SLC24A2: variants seen among roughly 807,000 people sequenced by gnomAD.
The protein encoded by SLC24A2 is solute carrier family 24 member 2, also known as sodium/potassium/calcium exchanger 2.
In SLC24A2, 36 loss-of-function variants were observed where a neutral mutation model predicts 62.0. That is an observed-to-expected ratio of 0.58 (90% confidence interval 0.44 to 0.77). The LOEUF (loss-of-function observed/expected upper bound fraction) is 0.77, where lower values mean the gene tolerates loss of function less well. Among genes scored for constraint, SLC24A2 ranks in the 30% least tolerant of loss-of-function variants. SLC24A2 has a pLI of 0.00. For missense variants in SLC24A2, 846 were observed against 817.9 expected (o/e 1.03, Z -0.42); for synonymous variants, 358 against 294.0 (o/e 1.22, Z -2.23).
the SLC24A2 span, among the ~76,000 whole-genome samples, chr9:20,041,890 C>G: frequency 6.6e-6 from 1 of 152,228 alleles, no homozygotes; most frequent in African/African-American, 2.4e-5. Context: ...ACTCCTAATC[C>G]CAGAAGCACT....
the SLC24A2 span, among the ~76,000 whole-genome samples, chr9:19,834,373 T>C: frequency 0.089 from 13,582 of 151,772 alleles, 692 homozygotes; most frequent in African/African-American, 0.15. Flanking sequence ...TGCAGAGAAG[T>C]CCTTAAAGGA....
chr9:19,657,702 A>T (rs1818981169), intron 2 of SLC24A2, among the ~76,000 whole-genome samples: 2 of 152,040 alleles, frequency 1.3e-5, no homozygotes, highest in African/African-American at 2.4e-5. Context: ...CAGATGTCAC[A>T]CTGCAGAACC....
At chr9:19,969,183 CCACACACACA>C in the SLC24A2 span, among the ~76,000 whole-genome samples, 3,813 of 122,250 alleles carry the variant, frequency 0.031, 67 homozygotes, top group Non-Finnish European at 0.044. Flanking sequence ...ACCTCCTTTG[CCACACACACA>C]CACACACACA....
the SLC24A2 span, among the ~76,000 whole-genome samples, chr9:20,006,747 T>G: frequency 6.6e-6 from 1 of 152,128 alleles, no homozygotes; most frequent in Non-Finnish European, 1.5e-5. Flanking sequence ...AGTCTGAAAT[T>G]TTAGGGGCAG....
chr9:19,545,653 T>A (rs1834526037), intron 8 of SLC24A2, among the ~76,000 whole-genome samples: 1 of 152,054 alleles, frequency 6.6e-6, no homozygotes, highest in Admixed American at 6.5e-5. Flanking sequence ...TTTCTTTTTT[T>A]TTTGTGACAG....
intron 10 of SLC24A2, among the ~76,000 whole-genome samples, chr9:19,518,141 T>G (rs1370486179): frequency 6.6e-6 from 1 of 152,206 alleles, no homozygotes; most frequent in African/African-American, 2.4e-5. Flanking sequence ...AGTGTTATTT[T>G]GAATAATAAA....
chr9:19,758,653 T>G (rs1822219604), intron 2 of SLC24A2, among the ~76,000 whole-genome samples: 1 of 152,172 alleles, frequency 6.6e-6, no homozygotes, highest in Non-Finnish European at 1.5e-5. Flanking sequence ...TAGTGTATAT[T>G]TGAAAGGTTT....
At chr9:20,139,616 G>A in the SLC24A2 span, among the ~76,000 whole-genome samples, 1 of 152,192 alleles carries the variant, frequency 6.6e-6, no homozygotes, top group Non-Finnish European at 1.5e-5. Context: ...GAAGCTATGT[G>A]CAAGATGCTG....
the SLC24A2 span, among the ~76,000 whole-genome samples, chr9:19,990,688 C>T: frequency 6.9e-6 from 1 of 144,184 alleles, no homozygotes; most frequent in South Asian, 2.2e-4. Flanking sequence ...ATTCCATAAA[C>T]AATTCATATA....
the SLC24A2 span, among the ~76,000 whole-genome samples, chr9:20,116,989 C>T: frequency 0.99 from 150,590 of 152,252 alleles, 74,492 homozygotes; most frequent in East Asian, 1. Context: ...ATGATCTTTC[C>T]ACTCAACCCC....
the SLC24A2 span, among the ~76,000 whole-genome samples, chr9:19,851,027 A>ATATATAT: frequency 9.0e-5 from 5 of 55,290 alleles, no homozygotes; most frequent in South Asian, 5.3e-4. Context: ...ATATATACAT[A>ATATATAT]TTTTTTTTTT....
chr9:20,196,792 A>G, the SLC24A2 span, among the ~76,000 whole-genome samples: 1 of 152,248 alleles, frequency 6.6e-6, no homozygotes, highest in African/African-American at 2.4e-5. Flanking sequence ...AGTTGAAAAC[A>G]TGAAAATGCA....
intron 2 of SLC24A2, among the ~76,000 whole-genome samples, chr9:19,630,204 A>G (rs1818141982): frequency 6.6e-6 from 1 of 152,186 alleles, no homozygotes; most frequent in South Asian, 2.1e-4. Context: ...TAGATTTAGC[A>G]TCTATTCTTG....
At chr9:19,859,326 T>A in the SLC24A2 span, among the ~76,000 whole-genome samples, 13 of 152,044 alleles carry the variant, frequency 8.6e-5, no homozygotes, top group African/African-American at 2.9e-4. Flanking sequence ...AGGGGAACAA[T>A]AGACACTGGG....
At chr9:19,851,811 A>C in the SLC24A2 span, among the ~76,000 whole-genome samples, 1 of 152,278 alleles carries the variant, frequency 6.6e-6, no homozygotes, top group Admixed American at 6.5e-5. Context: ...GTATCTTTAT[A>C]ATAGAATTAT....
chr9:20,303,973 A>G, the SLC24A2 span, among the ~76,000 whole-genome samples: 1 of 152,326 alleles, frequency 6.6e-6, no homozygotes, highest in East Asian at 1.9e-4. Flanking sequence ...TCCCTAAGTG[A>G]CAGTGACCAC....
At chr9:19,669,472 C>G (rs531792092) in intron 2 of SLC24A2, among the ~76,000 whole-genome samples, 1 of 152,194 alleles carries the variant, frequency 6.6e-6, no homozygotes, top group Non-Finnish European at 1.5e-5. Context: ...CAATAAATAA[C>G]CACAAACTTA....
At chr9:20,282,881 C>T in the SLC24A2 span, among the ~76,000 whole-genome samples, 1 of 152,218 alleles carries the variant, frequency 6.6e-6, no homozygotes, top group Non-Finnish European at 1.5e-5. Flanking sequence ...ATACATGACT[C>T]TGCAATGAAC....
At chr9:20,173,531 C>G in the SLC24A2 span, among the ~76,000 whole-genome samples, 11 of 152,174 alleles carry the variant, frequency 7.2e-5, no homozygotes, top group East Asian at 1.6e-3. Context: ...CTCCTATACA[C>G]CAACAGTGAC....
Sources: gnomAD v4.1 joint callset for allele counts (sites outside exome capture counted in the v4.1 genomes callset) on GRCh38, gnomAD v4.1.1 for gene constraint, MANE v1.5 for transcripts, NCBI Gene and HGNC (gene_info 2026-07-23, HGNC 2026-07-21) for gene names.